Variants in ARHGEF11 observed in about 807,000 individuals in gnomAD.
ARHGEF11 encodes the protein Rho guanine nucleotide exchange factor 11.
A neutral mutation model predicts 193.7 loss-of-function variants in ARHGEF11; 55 were observed. The observed-to-expected ratio is 0.28, with a 90% CI of 0.23 to 0.36. The LOEUF is 0.36. ARHGEF11 is among the 10% of genes least tolerant of loss of function. ARHGEF11 has a pLI of 1.00. For missense variants in ARHGEF11, 1,723 were observed against 2,005.6 expected (o/e 0.86, Z 2.69); for synonymous variants, 693 against 768.0 (o/e 0.90, Z 1.62).
At chr1:156,947,627 A>G (rs1658386707) in intron 25 of ARHGEF11, 142 bp downstream of exon 25, 3 of 1,337,188 alleles carry the variant, frequency 2.2e-6, no homozygotes, top group Admixed American at 2.4e-5. Context: ...GGGGAACCTT[A>G]TAGCAACAGG....
At chr1:157,004,611 TTCTC>T (rs1283592492) in intron 1 of ARHGEF11, among the ~76,000 whole-genome samples, 3 of 152,198 alleles carry the variant, frequency 2.0e-5, no homozygotes, top group Non-Finnish European at 4.4e-5. Flanking sequence ...TTTCCATCCT[TTCTC>T]TCTTCCAGCC....
chr1:157,044,837 C>T lies in ARHGEF11; in HGVS notation c.-507G>A, dbSNP rs1481472385. 1 of 259,082 alleles carries T rather than the reference C, an allele frequency of 3.9e-6. No homozygotes were observed. Among genetic ancestry groups the T allele is most frequent in the Non-Finnish European group, 7.2e-6 (1 of 139,724 alleles). 16.0% of individuals were successfully genotyped at this position (259,082 alleles called of 1,614,324 possible). Reference sequence around the variant, plus strand: ...TAGTCTCCAATGCTTAATATGACAACAGCAAATATCTTTGAGGAAAGGAAA... The same window carrying T: ...TAGTCTCCAATGCTTAATATGACAATAGCAAATATCTTTGAGGAAAGGAAA... On this transcript the variant is annotated 5_prime_UTR_variant, in exon 1 of 41. Coordinates refer to ENST00000368194, the MANE Select transcript of ARHGEF11 (RefSeq NM_198236.3).
chr1:157,037,965 G>A (rs1672257050), intron 1 of ARHGEF11, among the ~76,000 whole-genome samples: 1 of 145,538 alleles, frequency 6.9e-6, no homozygotes, highest in South Asian at 2.2e-4. Flanking sequence ...CCAGGAGGTG[G>A]AGGTTGCAGT....
At chr1:156,938,573 G>C (rs1203636077) in intron 37 of ARHGEF11, 60 bp from the exon 38 acceptor site, 3 of 1,542,338 alleles carry the variant, frequency 1.9e-6, no homozygotes, top group Non-Finnish European at 2.7e-6. Context: ...AAAGGGAAGG[G>C]AGAGAGAACA....
intron 1 of ARHGEF11, among the ~76,000 whole-genome samples, chr1:157,041,342 T>TTCAGTAACCCATCTTTCAG (rs1374319072): frequency 6.6e-6 from 1 of 152,214 alleles, no homozygotes; most frequent in African/African-American, 2.4e-5. Flanking sequence ...CAGCTACACT[T>TTCAGTAACCCATCTTTCAG]TAGCCCATCT....
chr1:157,010,060 G>A (rs1273469177), intron 1 of ARHGEF11, among the ~76,000 whole-genome samples: 1 of 152,200 alleles, frequency 6.6e-6, no homozygotes, highest in Admixed American at 6.5e-5. Context: ...TGGGCTGGGT[G>A]TGATGGCTCA....
At chr1:157,010,610 A>G (rs1227218831) in intron 1 of ARHGEF11, among the ~76,000 whole-genome samples, 1 of 151,668 alleles carries the variant, frequency 6.6e-6, no homozygotes, top group Non-Finnish European at 1.5e-5. Context: ...GTCTTGCTAC[A>G]TTACCCAGGC....
chr1:156,937,345 T>C lies in ARHGEF11; in HGVS notation c.4344A>G (p.Arg1448=). The change falls in exon 39 of 41, where the codon AGA becomes AGG. Residue 1448 remains arginine, a synonymous_variant. Coordinates refer to ENST00000368194, the MANE Select transcript of ARHGEF11 (RefSeq NM_198236.3). ...GGCTTGGAGGAGAGCGGCTGGGGCG[T>C]CTTGGATCATCGTTGCCTCCCTGCA... is the stretch of plus-strand genomic sequence containing the variant. The part of the protein sequence containing the change: ...PQLQGGNDDP[R]RPSRSPPSLA... 1 of 1,612,958 alleles carries C rather than the reference T, an allele frequency of 6.2e-7. No individual in the cohort carries two copies. The highest frequency in any genetic ancestry group is 8.5e-7 in the Non-Finnish European group (1 of 1,179,590).
At chr1:156,968,332 T>G (rs1662005037) in intron 10 of ARHGEF11, among the ~76,000 whole-genome samples, 1 of 152,236 alleles carries the variant, frequency 6.6e-6, no homozygotes, top group East Asian at 1.9e-4. Context: ...GATACTATTA[T>G]TCGTCCCATT....
chr1:157,024,248 T>C (rs1291135290), intron 1 of ARHGEF11, among the ~76,000 whole-genome samples: 1 of 152,096 alleles, frequency 6.6e-6, no homozygotes. Context: ...AGAGATAAGG[T>C]AGACTAGTGG....
chr1:156,954,456 G>C (rs568899191), intron 21 of ARHGEF11, among the ~76,000 whole-genome samples: 11 of 144,220 alleles, frequency 7.6e-5, no homozygotes, highest in African/African-American at 2.3e-4. Flanking sequence ...ACCCTTCAAT[G>C]TGTGAGGGTT....
chr1:157,001,084 C>G (rs1667157067), intron 1 of ARHGEF11, among the ~76,000 whole-genome samples: 1 of 152,202 alleles, frequency 6.6e-6, no homozygotes, highest in Admixed American at 6.5e-5. Flanking sequence ...GATGACACTT[C>G]TATTCTTTAC....
At chr1:156,951,785 C>T (rs189398560) in intron 21 of ARHGEF11, 86 bp from the exon 22 acceptor site, 1 of 1,565,792 alleles carries the variant, frequency 6.4e-7, no homozygotes, top group East Asian at 2.2e-5. Flanking sequence ...TCCCAGAAGA[C>T]AGAGCAATGA....
At chr1:156,986,232 G>C in intron 1 of ARHGEF11, 59 bp from the exon 2 acceptor site, 1 of 1,420,206 alleles carries the variant, frequency 7.0e-7, no homozygotes, top group Admixed American at 1.7e-5. Flanking sequence ...CAGCCTTGTA[G>C]TAGATGGAGG....
chr1:156,952,342 T>C (rs1259237959), intron 21 of ARHGEF11, among the ~76,000 whole-genome samples: 1 of 152,100 alleles, frequency 6.6e-6, no homozygotes, highest in South Asian at 2.1e-4. Flanking sequence ...AGAGGGCAGA[T>C]GGTAGAGTGA....
intron 16 of ARHGEF11, 69 bp downstream of exon 16, chr1:156,958,977 G>A (rs1660375146): frequency 6.2e-7 from 1 of 1,609,778 alleles, no homozygotes. Flanking sequence ...ACGTCCCAGA[G>A]GGAAGGAGCC....
chr1:156,980,539 T>A, intron 3 of ARHGEF11, 53 bp from the exon 4 acceptor site: 1 of 1,547,670 alleles, frequency 6.5e-7, no homozygotes. Flanking sequence ...CCACTGAAGC[T>A]ACACGAAGGT....
chr1:156,999,885 G>A (rs1396667981), intron 1 of ARHGEF11, among the ~76,000 whole-genome samples: 2 of 152,180 alleles, frequency 1.3e-5, no homozygotes, highest in African/African-American at 2.4e-5. Context: ...ACAGTAAGAT[G>A]GGAAGACCAA....
At chr1:156,987,122 A>C (rs1438024015) in intron 1 of ARHGEF11, among the ~76,000 whole-genome samples, 3 of 152,224 alleles carry the variant, frequency 2.0e-5, no homozygotes, top group East Asian at 3.8e-4. Context: ...TTTTTGGAAA[A>C]GTGTACAAGT....
Sources: allele counts gnomAD v4.1 joint callset (sites outside exome capture counted in the v4.1 genomes callset), GRCh38; gene constraint gnomAD v4.1.1; transcripts MANE v1.5; gene names NCBI Gene and HGNC (gene_info 2026-07-23, HGNC 2026-07-21).